The following AGAP1 variants were observed in gnomAD, a reference collection of about 807,000 sequenced individuals.
The protein encoded by AGAP1 is arf-GAP with GTPase, ANK repeat and PH domain-containing protein 1.
A neutral mutation model predicts 105.3 loss-of-function variants in AGAP1; 29 were observed. The observed-to-expected ratio is 0.28, with a 90% CI of 0.21 to 0.38. The LOEUF is 0.38. Ranked by LOEUF, AGAP1 falls within the 10% of genes least tolerant of loss-of-function variation. The pLI is 1.00. For synonymous variants in AGAP1, 509 were observed against 485.9 expected (o/e 1.05, Z -0.63); for missense variants, 998 against 1,165.1 (o/e 0.86, Z 2.09).
chr2:235,922,003 G>C (rs574018914), intron 11 of AGAP1, among the ~76,000 whole-genome samples: 4 of 152,358 alleles, frequency 2.6e-5, no homozygotes, highest in African/African-American at 9.6e-5. Context: ...GGACAGAACA[G>C]ATGGCGAAGG....
intron 9 of AGAP1, among the ~76,000 whole-genome samples, chr2:235,816,331 G>C (rs1487507612): frequency 6.6e-6 from 1 of 151,602 alleles, no homozygotes; most frequent in African/African-American, 2.4e-5. Flanking sequence ...CCAGCTACTT[G>C]GGAGCCTGAG....
At chr2:235,987,213 C>A (rs1403381537) in intron 13 of AGAP1, among the ~76,000 whole-genome samples, 4 of 151,662 alleles carry the variant, frequency 2.6e-5, no homozygotes, top group Non-Finnish European at 5.9e-5. Context: ...TTGACTTCTT[C>A]CTGGTTTAGT....
chr2:235,580,216 A>G (rs1187253316), intron 1 of AGAP1, among the ~76,000 whole-genome samples: 1 of 152,112 alleles, frequency 6.6e-6, no homozygotes, highest in African/African-American at 2.4e-5. Context: ...GTGCGTGTAC[A>G]GGGATTTGCT....
intron 16 of AGAP1, among the ~76,000 whole-genome samples, chr2:236,068,726 A>G (rs1174868614): frequency 7.0e-6 from 1 of 143,574 alleles, no homozygotes; most frequent in Non-Finnish European, 1.5e-5. Flanking sequence ...CGTGAACCCG[A>G]GAGGCAGAGC....
intron 1 of AGAP1, among the ~76,000 whole-genome samples, chr2:235,680,889 G>A (rs1332091457): frequency 6.6e-6 from 1 of 152,154 alleles, no homozygotes; most frequent in Non-Finnish European, 1.5e-5. Flanking sequence ...AGCTGACACT[G>A]GGACTGTGAA....
At chr2:235,935,596 G>A (rs1394767756) in intron 12 of AGAP1, among the ~76,000 whole-genome samples, 5 of 152,186 alleles carry the variant, frequency 3.3e-5, no homozygotes, top group African/African-American at 1.2e-4. Context: ...AATGGCAGTA[G>A]TGAGCCCGTG....
At chr2:235,773,844 A>G in intron 6 of AGAP1, 1 of 437,012 alleles carries the variant, frequency 2.3e-6, no homozygotes, top group Non-Finnish European at 4.6e-6. Context: ...CACCAAAAAA[A>G]GAAAAAAATC....
chr2:235,810,028 C>T lies in AGAP1; in HGVS notation c.1050+2697C>T, dbSNP rs10168854. 2.5e-3 allele frequency among the ~76,000 whole-genome samples: 382 copies of T among 152,274 alleles called. 1 individual carries two copies. The highest frequency in any genetic ancestry group is 8.9e-3 in the African/African-American group (371 of 41,538). On this transcript the variant is annotated intron_variant, in intron 9 of 17. Transcript: ENST00000304032. Reference sequence around the variant, plus strand: ...GTAGGTCCAAGGATTCGGACCAGGCCTCTCTGCCCCTATGTCTGCGCTCTC... The same window carrying T: ...GTAGGTCCAAGGATTCGGACCAGGCTTCTCTGCCCCTATGTCTGCGCTCTC...
intron 1 of AGAP1, chr2:235,524,425 G>C: frequency 4.1e-6 from 1 of 245,696 alleles, no homozygotes; most frequent in Non-Finnish European, 9.1e-6. Context: ...CCTGACAGTG[G>C]GGGCAAGTTT....
rs1450840426 is a variant in AGAP1, at chr2:235,888,053, C to T, written c.1155+4604C>T. On this transcript the variant is annotated intron_variant, in intron 10 of 17. Transcript: ENST00000304032. This position sits in a 1 kb window ranked among gnomAD's most constrained non-coding sequence, Gnocchi z 4.8. ...GCTCACAGTCCACGTAAGGCTGCGCCCTGGTGCCACCACCAGCCTCCTTCC... is the reference window on the plus strand; with the variant it reads ...GCTCACAGTCCACGTAAGGCTGCGCTCTGGTGCCACCACCAGCCTCCTTCC... Among the ~76,000 whole-genome samples the T allele has an allele frequency of 1.3e-5, 2 of 152,134 alleles. No homozygotes were observed. Among genetic ancestry groups the T allele is most frequent in the Non-Finnish European group, 2.9e-5 (2 of 68,034 alleles).
At chr2:235,859,410 C>G (rs1337156826) in intron 9 of AGAP1, among the ~76,000 whole-genome samples, 2 of 134,498 alleles carry the variant, frequency 1.5e-5, no homozygotes, top group East Asian at 5.1e-4. Context: ...CCCCCCCCGC[C>G]TTTTGTTCCA....
intron 1 of AGAP1, among the ~76,000 whole-genome samples, chr2:235,495,433 G>A (rs1941273743): frequency 6.6e-6 from 1 of 152,256 alleles, no homozygotes; most frequent in Non-Finnish European, 1.5e-5. Context: ...GGAACCGGTA[G>A]TGTGCTTTGT....
intron 11 of AGAP1, among the ~76,000 whole-genome samples, chr2:235,917,152 CT>C (rs2051928259): frequency 6.6e-6 from 1 of 152,174 alleles, no homozygotes; most frequent in Non-Finnish European, 1.5e-5. Context: ...ATCCTTTCCC[CT>C]TCTCCTCTAC....
Position 236,087,414 on chromosome 2 carries a change from T to C in AGAP1, c.2115-32778T>C, listed in dbSNP as rs2058960083. The stretch of plus-strand genomic sequence containing the variant: ...GACAACCTCGTCTTGCAGGATCATT[T>C]ACCTTTTATATTATGACCTAGCCAC... On this transcript the variant is annotated intron_variant, in intron 16 of 17. Transcript: ENST00000304032. This position sits in a 1 kb window ranked among gnomAD's most constrained non-coding sequence, Gnocchi z 5.7. Among the ~76,000 whole-genome samples the C allele has an allele frequency of 1.3e-5, 2 of 152,282 alleles. No homozygotes were observed. The highest frequency in any genetic ancestry group is 4.8e-5 in the African/African-American group (2 of 41,554).
In AGAP1 at chr2:236,001,745, T is replaced by C. The variant is rs1200448515; in HGVS notation, c.1645+33122T>C. On this transcript the variant is annotated intron_variant, in intron 13 of 17. Transcript: ENST00000304032. This position sits in a 1 kb window ranked among gnomAD's most constrained non-coding sequence, Gnocchi z 4.7. ...CATGTATATTCTGGAATTTTACTTT[T>C]CTAATTTAACACCCCGTGGGTCTCC... 6.6e-6 allele frequency among the ~76,000 whole-genome samples: 1 copy of C among 152,222 alleles called. No individual in the cohort carries two copies. The highest frequency in any genetic ancestry group is 6.5e-5 in the Admixed American group (1 of 15,288).
intron 6 of AGAP1, among the ~76,000 whole-genome samples, chr2:235,762,870 C>T (rs1954568493): frequency 6.6e-6 from 1 of 151,894 alleles, no homozygotes; most frequent in Admixed American, 6.6e-5. Context: ...GAGACTCCAT[C>T]TCAAAAAAAC....
In AGAP1 at chr2:235,621,605, AG is replaced by A. The variant is rs1250665421; in HGVS notation, c.164-87570del. Among the ~76,000 whole-genome samples, 5 of 152,126 alleles carry A rather than the reference AG, an allele frequency of 3.3e-5. No homozygotes were observed. Among genetic ancestry groups the A allele is most frequent in the Non-Finnish European group, 7.4e-5 (5 of 68,026 alleles). On this transcript the variant is annotated intron_variant, in intron 1 of 17. Transcript: ENST00000304032. The surrounding 1 kb of genome is among the most constrained non-coding windows in gnomAD (Gnocchi z 4.1). ...AATGGCCCCTGCCCATCATGCATTT[AG>A]GGGCTCCTCTGACTCCAGATGTCAG...
In AGAP1 at chr2:235,973,803, T is replaced by TGGACCAGGGCA. The variant is rs1226845492; in HGVS notation, c.1645+5182_1645+5192dup. Among the ~76,000 whole-genome samples the TGGACCAGGGCA allele has an allele frequency of 4.5e-4, 68 of 152,236 alleles. No homozygotes were observed. The highest frequency in any genetic ancestry group is 6.6e-4 in the Non-Finnish European group (45 of 68,010). ...GACCCTGCATGGGGTCGGCATGGGT[T>TGGACCAGGGCA]GGACCAGGGCAGAGGAACCTGGGCT... On this transcript the variant is annotated intron_variant, in intron 13 of 17. Transcript: ENST00000304032. This position sits in a 1 kb window ranked among gnomAD's most constrained non-coding sequence, Gnocchi z 4.7.
intron 1 of AGAP1, among the ~76,000 whole-genome samples, chr2:235,562,381 T>G (rs1574851152): frequency 6.6e-6 from 1 of 152,062 alleles, no homozygotes. Context: ...GGAGAGATGG[T>G]TCCCCGAAGC....
Sources: allele counts gnomAD v4.1 joint callset (sites outside exome capture counted in the v4.1 genomes callset), GRCh38; gene constraint gnomAD v4.1.1; non-coding constraint Gnocchi (gnomAD v3.1); transcripts MANE v1.5; gene names NCBI Gene and HGNC (gene_info 2026-07-23, HGNC 2026-07-21).